Variants in BCKDHB observed in about 807,000 individuals in gnomAD.
BCKDHB encodes the protein 2-oxoisovalerate dehydrogenase subunit beta, mitochondrial.
BCKDHB carries 41 observed loss-of-function variants against 48.5 expected under a neutral mutation model. The ratio of observed to expected loss-of-function variants is 0.85; its 90% CI spans 0.66 to 1.10. BCKDHB has a LOEUF of 1.10. Ranked by LOEUF, BCKDHB falls within the 50% of genes least tolerant of loss-of-function variation. The pLI is 0.00. For synonymous variants in BCKDHB, 201 were observed against 174.8 expected, an observed-to-expected ratio of 1.15 and a Z score of -1.18; for missense variants, 496 against 494.2, an observed-to-expected ratio of 1.00 and a Z score of -0.03.
chr6:80,295,128 C>A (rs2127987696), intron 9 of BCKDHB, among the ~76,000 whole-genome samples: 1 of 152,300 alleles, frequency 6.6e-6, no homozygotes, highest in South Asian at 2.1e-4. Flanking sequence ...CTCTTTATTT[C>A]TCAGCTGGCC....
intron 9 of BCKDHB, among the ~76,000 whole-genome samples, chr6:80,292,467 G>A (rs866071120): frequency 2.0e-5 from 3 of 151,878 alleles, no homozygotes; most frequent in African/African-American, 7.2e-5. Context: ...TCACTGTCAC[G>A]TGAACAGCCT....
intron 6 of BCKDHB, among the ~76,000 whole-genome samples, chr6:80,186,208 A>G (rs1773632684): frequency 6.6e-6 from 1 of 152,132 alleles, no homozygotes; most frequent in African/African-American, 2.4e-5. Context: ...TGGGTAGTGA[A>G]AAACCATGAG....
intron 6 of BCKDHB, among the ~76,000 whole-genome samples, chr6:80,186,384 G>A (rs1392677385): frequency 2.6e-5 from 4 of 152,138 alleles, no homozygotes; most frequent in African/African-American, 4.8e-5. Flanking sequence ...TAGCTTCCAC[G>A]CAGCCAGCAA....
At chr6:80,226,892 G>T (rs758884896) in intron 8 of BCKDHB, among the ~76,000 whole-genome samples, 13 of 152,322 alleles carry the variant, frequency 8.5e-5, no homozygotes, top group Middle Eastern at 3.4e-3. Flanking sequence ...CATGGAGAGG[G>T]ATCTCTGGCC....
At chr6:80,364,588 T>G in the BCKDHB span, among the ~76,000 whole-genome samples, 1 of 152,222 alleles carries the variant, frequency 6.6e-6, no homozygotes, top group Non-Finnish European at 1.5e-5. Flanking sequence ...TCTCACTTTT[T>G]TCTTCGAGAC....
the BCKDHB span, among the ~76,000 whole-genome samples, chr6:80,418,935 G>T: frequency 6.6e-6 from 1 of 152,200 alleles, no homozygotes; most frequent in East Asian, 1.9e-4. Context: ...CTCCAGTTGG[G>T]TGTGGCACTG....
chr6:80,460,738 T>C, the BCKDHB span, among the ~76,000 whole-genome samples: 1 of 152,088 alleles, frequency 6.6e-6, no homozygotes, highest in East Asian at 1.9e-4. Context: ...CTCTGCTGAG[T>C]TAATACTTTT....
intron 9 of BCKDHB, among the ~76,000 whole-genome samples, chr6:80,328,662 C>G (rs1438935158): frequency 6.6e-6 from 1 of 152,160 alleles, no homozygotes; most frequent in Non-Finnish European, 1.5e-5. Context: ...ATTGGGTATA[C>G]AGAAAACTTT....
chr6:80,333,912 G>A (rs896151403), intron 9 of BCKDHB, among the ~76,000 whole-genome samples: 1 of 151,970 alleles, frequency 6.6e-6, no homozygotes, highest in African/African-American at 2.4e-5. Flanking sequence ...TGGATCAATG[G>A]TTTTATCAGA....
the BCKDHB span, among the ~76,000 whole-genome samples, chr6:80,455,963 G>A: frequency 1.3e-5 from 2 of 152,144 alleles, no homozygotes; most frequent in African/African-American, 2.4e-5. Flanking sequence ...GGTGGCTCAT[G>A]CCTGTAATCC....
At chr6:80,458,519 G>A in the BCKDHB span, among the ~76,000 whole-genome samples, 1 of 152,282 alleles carries the variant, frequency 6.6e-6, no homozygotes, top group Admixed American at 6.5e-5. Flanking sequence ...ATTCGAAACG[G>A]ATTCCTGTCT....
chr6:80,168,070 A>G (rs922197820), intron 4 of BCKDHB, among the ~76,000 whole-genome samples: 1 of 151,988 alleles, frequency 6.6e-6, no homozygotes, highest in African/African-American at 2.4e-5. Context: ...ACTTGAGGCC[A>G]AGAGTTCAAC....
In BCKDHB at chr6:80,320,194, C is replaced by T. The variant is rs368384086; in HGVS notation, c.1039-23470C>T. On this transcript the variant is annotated intron_variant, in intron 9 of 9. Transcript: ENST00000320393. Reference sequence around the variant, plus strand: ...ATATTGTGAATAGTAGCAAATATGTCCTTATATAGTTCTGGGTTCTTGCTT... The same window carrying T: ...ATATTGTGAATAGTAGCAAATATGTTCTTATATAGTTCTGGGTTCTTGCTT... Among the ~76,000 whole-genome samples, 27 of 152,088 alleles carry T rather than the reference C, an allele frequency of 1.8e-4. No individual in the cohort carries two copies. In the East Asian group the frequency reaches 2.3e-3, roughly 13 times the overall value.
chr6:80,335,365 A>G (rs1284184006), intron 9 of BCKDHB, among the ~76,000 whole-genome samples: 2 of 152,052 alleles, frequency 1.3e-5, no homozygotes, highest in Non-Finnish European at 2.9e-5. Flanking sequence ...TGTTCATGAG[A>G]TGACCCAGTG....
At chr6:80,246,606 G>T (rs1414804930) in intron 8 of BCKDHB, among the ~76,000 whole-genome samples, 2 of 152,166 alleles carry the variant, frequency 1.3e-5, no homozygotes, top group African/African-American at 4.8e-5. Flanking sequence ...AGACAGGGCA[G>T]TGTAAAGCTT....
intron 9 of BCKDHB, among the ~76,000 whole-genome samples, chr6:80,312,487 C>T (rs1171670196): frequency 1.1e-4 from 16 of 152,178 alleles, no homozygotes; most frequent in Admixed American, 9.8e-4. Flanking sequence ...TGAGAGAGGG[C>T]AACCTTGTCT....
At chr6:80,268,241 A>G (rs995502391) in intron 8 of BCKDHB, among the ~76,000 whole-genome samples, 7 of 152,234 alleles carry the variant, frequency 4.6e-5, no homozygotes, top group African/African-American at 1.7e-4. Flanking sequence ...AAATGTATCT[A>G]ATTCAGTTGC....
At chr6:80,447,315 T>A in the BCKDHB span, among the ~76,000 whole-genome samples, 1 of 151,986 alleles carries the variant, frequency 6.6e-6, no homozygotes, top group East Asian at 1.9e-4. Context: ...TTTTGCTACC[T>A]TTTTTTGTAT....
At chr6:80,236,565 A>G (rs1776155243) in intron 8 of BCKDHB, among the ~76,000 whole-genome samples, 1 of 152,216 alleles carries the variant, frequency 6.6e-6, no homozygotes, top group South Asian at 2.1e-4. Flanking sequence ...CAGCTATTTC[A>G]AATGTTTAAC....
Sources: allele counts gnomAD v4.1 joint callset (sites outside exome capture counted in the v4.1 genomes callset), GRCh38; gene constraint gnomAD v4.1.1; transcripts MANE v1.5; gene names NCBI Gene and HGNC (gene_info 2026-07-23, HGNC 2026-07-21).